Variants in TBL1XR1 observed in about 807,000 individuals in gnomAD.
TBL1XR1 encodes F-box-like/WD repeat-containing protein TBL1XR1.
Under a neutral mutation model 66.9 loss-of-function variants are expected in TBL1XR1, and 5 were observed. The observed-to-expected ratio is 0.07, with a 90% CI of 0.04 to 0.16. The LOEUF (loss-of-function observed/expected upper bound fraction) is 0.16. Among genes scored for constraint, TBL1XR1 ranks in the 10% least tolerant of loss-of-function variants. The pLI is 1.00. For missense variants in TBL1XR1, 238 were observed against 623.2 expected (o/e 0.38, Z 6.58); for synonymous variants, 210 against 206.0 (o/e 1.02, Z -0.17).
At chr3:177,025,886 T>C in intron 15 of TBL1XR1, 2 of 292,556 alleles carry the variant, frequency 6.8e-6, no homozygotes, top group East Asian at 9.3e-5. Flanking sequence ...GCTACCCTTT[T>C]CCCACCTTCT....
At chr3:177,071,573 A>G (rs1477880630) in intron 2 of TBL1XR1, among the ~76,000 whole-genome samples, 4 of 152,208 alleles carry the variant, frequency 2.6e-5, no homozygotes, top group Non-Finnish European at 5.9e-5. Context: ...TATGTGATTG[A>G]TAACAGCCCA....
At chr3:177,081,932 T>TA (rs1408684483) in intron 2 of TBL1XR1, among the ~76,000 whole-genome samples, 3 of 152,138 alleles carry the variant, frequency 2.0e-5, no homozygotes, top group Non-Finnish European at 2.9e-5. Flanking sequence ...ACACTGGTAC[T>TA]AAAATTAGAA....
At chr3:177,190,217 G>A (rs1214265535) in intron 1 of TBL1XR1, among the ~76,000 whole-genome samples, 1 of 145,446 alleles carries the variant, frequency 6.9e-6, no homozygotes, top group Non-Finnish European at 1.5e-5. Flanking sequence ...TATATAACCA[G>A]ATAAAGTCAA....
At chr3:177,039,011 A>C (rs1715200680) in intron 10 of TBL1XR1, among the ~76,000 whole-genome samples, 1 of 152,236 alleles carries the variant, frequency 6.6e-6, no homozygotes, top group Non-Finnish European at 1.5e-5. Context: ...ATATGATGCC[A>C]CAAGTGGAAA....
chr3:177,092,117 T>C (rs975817563), intron 2 of TBL1XR1, among the ~76,000 whole-genome samples: 4 of 152,164 alleles, frequency 2.6e-5, no homozygotes, highest in Non-Finnish European at 2.9e-5. Flanking sequence ...GCTCCCATTG[T>C]GAAAATGTGA....
chr3:177,082,770 A>G (rs1450500921), intron 2 of TBL1XR1, among the ~76,000 whole-genome samples: 1 of 136,208 alleles, frequency 7.3e-6, no homozygotes, highest in African/African-American at 2.7e-5. Context: ...ATATATATGA[A>G]TATGAGACGG....
At chr3:177,049,934 T>A in intron 7 of TBL1XR1, 63 bp downstream of exon 7, 1 of 1,561,578 alleles carries the variant, frequency 6.4e-7, no homozygotes, top group Middle Eastern at 1.7e-4. Flanking sequence ...CTGCCGTGAG[T>A]ATGAGGCTCT....
At chr3:177,026,596 TATAAAA>T in intron 14 of TBL1XR1, 122 bp from the exon 15 acceptor site, 1 of 659,366 alleles carries the variant, frequency 1.5e-6, no homozygotes, top group South Asian at 2.6e-5. Flanking sequence ...TAGCTTCAAC[TATAAAA>T]ATAAGTTCTG....
intron 2 of TBL1XR1, among the ~76,000 whole-genome samples, chr3:177,080,373 G>A (rs1371031915): frequency 6.6e-6 from 1 of 152,134 alleles, no homozygotes. Context: ...CTTTGGGCTA[G>A]TACTTACTTT....
At chr3:177,097,884 T>C (rs922791049) in intron 2 of TBL1XR1, among the ~76,000 whole-genome samples, 13 of 152,204 alleles carry the variant, frequency 8.5e-5, no homozygotes, top group East Asian at 1.9e-4. Context: ...CTGATGACCG[T>C]AGCTAAGACG....
chr3:177,128,743 G>A (rs371602066), intron 1 of TBL1XR1, among the ~76,000 whole-genome samples: 3 of 152,224 alleles, frequency 2.0e-5, no homozygotes. Context: ...AAATTTCTTG[G>A]GGCATTTTCA....
intron 2 of TBL1XR1, chr3:177,078,836 C>G (rs1158731617): frequency 6.6e-6 from 1 of 151,800 alleles, no homozygotes; most frequent in Non-Finnish European, 1.5e-5. Flanking sequence ...GTAGTCCCAG[C>G]TACTCGGGAG....
chr3:177,146,206 T>G (rs936508952), intron 1 of TBL1XR1, among the ~76,000 whole-genome samples: 4 of 152,086 alleles, frequency 2.6e-5, no homozygotes, highest in Admixed American at 1.3e-4. Context: ...TCAGAAGCAA[T>G]TTGCTTTCAT....
chr3:177,112,100 TATATA>T (rs1472836765), intron 1 of TBL1XR1, among the ~76,000 whole-genome samples: 31 of 55,186 alleles, frequency 5.6e-4, no homozygotes, highest in African/African-American at 3.0e-3. Context: ...TATATATATA[TATATA>T]TATTTTTTTT....
At chr3:177,191,163 T>C (rs1280594430) in intron 1 of TBL1XR1, among the ~76,000 whole-genome samples, 2 of 152,200 alleles carry the variant, frequency 1.3e-5, no homozygotes, top group East Asian at 3.8e-4. Context: ...GAATGGAACC[T>C]TCTTAAAAGC....
At chr3:177,035,431 T>TG (rs1333067799) in intron 12 of TBL1XR1, among the ~76,000 whole-genome samples, 3 of 150,982 alleles carry the variant, frequency 2.0e-5, no homozygotes, top group Non-Finnish European at 4.4e-5. Context: ...TTTTTTTTTT[T>TG]GGAGATGAAG....
At chr3:177,105,264 T>C (rs555776741) in intron 1 of TBL1XR1, among the ~76,000 whole-genome samples, 1 of 152,206 alleles carries the variant, frequency 6.6e-6, no homozygotes. Flanking sequence ...ATACGACAGA[T>C]ATGACACTGT....
At chr3:177,148,590 C>T (rs1730514939) in intron 1 of TBL1XR1, among the ~76,000 whole-genome samples, 1 of 152,080 alleles carries the variant, frequency 6.6e-6, no homozygotes, top group Non-Finnish European at 1.5e-5. Flanking sequence ...TGCCGCATGC[C>T]TGTAATTGAA....
intron 1 of TBL1XR1, among the ~76,000 whole-genome samples, chr3:177,186,965 G>C (rs1735494464): frequency 6.6e-6 from 1 of 152,038 alleles, no homozygotes; most frequent in African/African-American, 2.4e-5. Flanking sequence ...AGGAGATCGA[G>C]ACCATCCCGG....
Sources: allele counts gnomAD v4.1 joint callset (sites outside exome capture counted in the v4.1 genomes callset), GRCh38; gene constraint gnomAD v4.1.1; transcripts MANE v1.5; gene names NCBI Gene and HGNC (gene_info 2026-07-23, HGNC 2026-07-21).